The following MAML2 variants were observed in gnomAD, a reference collection of about 807,000 sequenced individuals.
MAML2 encodes the protein mastermind like transcriptional coactivator 2, also known as mastermind-like protein 2.
MAML2 carries 22 observed loss-of-function variants against 96.1 expected under a neutral mutation model. The ratio of observed to expected loss-of-function variants is 0.23; its 90% CI spans 0.16 to 0.33. MAML2 has a LOEUF of 0.33. Among genes scored for constraint, MAML2 ranks in the 10% least tolerant of loss-of-function variants. The pLI is 1.00. For missense variants in MAML2, 1,367 were observed against 1,392.4 expected (o/e 0.98, Z 0.29); for synonymous variants, 561 against 521.3 (o/e 1.08, Z -1.04).
At chr11:96,031,618 C>T (rs370437518) in intron 2 of MAML2, among the ~76,000 whole-genome samples, 5 of 151,942 alleles carry the variant, frequency 3.3e-5, no homozygotes, top group African/African-American at 1.2e-4. Context: ...TTTTTGCATG[C>T]CCCCAGTGCG....
intron 2 of MAML2, among the ~76,000 whole-genome samples, chr11:96,034,456 A>AGAGAGAGAGAGAGT (rs766634690): frequency 4.1e-4 from 59 of 144,830 alleles, no homozygotes; most frequent in African/African-American, 1.2e-3. Context: ...AGAGAGAGAG[A>AGAGAGAGAGAGAGT]GTGTGTGTGT....
intron 1 of MAML2, among the ~76,000 whole-genome samples, chr11:96,308,953 A>C (rs1863501969): frequency 6.6e-6 from 1 of 152,244 alleles, no homozygotes; most frequent in Admixed American, 6.5e-5. Context: ...ACTCTTGTCC[A>C]AATGTAAAAA....
At chr11:96,303,383 T>C (rs1863416462) in intron 1 of MAML2, among the ~76,000 whole-genome samples, 1 of 152,220 alleles carries the variant, frequency 6.6e-6, no homozygotes. Flanking sequence ...TTTCCTTTGG[T>C]AATCTTTCTA....
In MAML2 at chr11:96,318,527, T is replaced by C. The variant is rs1367343067; in HGVS notation, c.513+22856A>G. On this transcript the variant is annotated intron_variant, in intron 1 of 4. Coordinates refer to ENST00000524717, the MANE Select transcript of MAML2 (RefSeq NM_032427.4). ...ACAAAACAAAACAAAAAAACCCTTA[T>C]TGTGGCAGATAAAGAAAACAGATAC... Among the ~76,000 whole-genome samples the C allele has an allele frequency of 5.9e-5, 9 of 152,308 alleles. No homozygotes were observed. The East Asian group carries it at 1.5e-3, about 26-fold the overall frequency.
At position 96,007,002 on chromosome 11, in the gene MAML2, C is replaced by CT. The variant is rs542623757; in HGVS notation, c.2140-15280dup. 5.8e-3 allele frequency among the ~76,000 whole-genome samples: 867 copies of CT among 149,314 alleles called. 1 individual carries two copies. The highest frequency in any genetic ancestry group is 0.017 in the Middle Eastern group (5 of 290). On this transcript the variant is annotated intron_variant, in intron 2 of 4. Coordinates refer to ENST00000524717, the MANE Select transcript of MAML2 (RefSeq NM_032427.4). ...GCCTAAATTATTTCTAGATATCAATCTTTTTTTTTATTATTTTTTTAGACA... is the reference window on the plus strand; with the variant it reads ...GCCTAAATTATTTCTAGATATCAATCTTTTTTTTTTATTATTTTTTTAGACA...
chr11:96,005,120 C>T (rs905493993), intron 2 of MAML2, among the ~76,000 whole-genome samples: 2 of 152,204 alleles, frequency 1.3e-5, no homozygotes, highest in Non-Finnish European at 2.9e-5. Context: ...ACTTCACAGC[C>T]TCCGTAACAG....
At chr11:96,016,393 G>C (rs1459583134) in intron 2 of MAML2, among the ~76,000 whole-genome samples, 1 of 152,152 alleles carries the variant, frequency 6.6e-6, no homozygotes, top group Non-Finnish European at 1.5e-5. Flanking sequence ...GCTCCTAGCA[G>C]CCACAGGAAG....
In MAML2 at chr11:96,222,809, C is replaced by T. The variant is rs941313151; in HGVS notation, c.513+118574G>A. On this transcript the variant is annotated intron_variant, in intron 1 of 4. Transcript: ENST00000524717. ...TAGGGATTCTTTGGTAATTGGATCA[C>T]CATTGAACACTAGAATTACTACCAG... 2.6e-5 allele frequency among the ~76,000 whole-genome samples: 4 copies of T among 152,012 alleles called. No homozygotes were observed. The South Asian group carries it at 8.3e-4, about 32-fold the overall frequency.
chr11:95,990,726 T>C (rs972490988), intron 3 of MAML2, among the ~76,000 whole-genome samples: 19 of 152,204 alleles, frequency 1.2e-4, no homozygotes, highest in African/African-American at 4.6e-4. Flanking sequence ...ACAAAGCTCC[T>C]TGAATATAAA....
chr11:96,012,702 G>C (rs892139222), intron 2 of MAML2, among the ~76,000 whole-genome samples: 2 of 152,132 alleles, frequency 1.3e-5, no homozygotes, highest in African/African-American at 4.8e-5. Context: ...TTTGAAATCT[G>C]TTTGTTTCCT....
chr11:95,977,014 T>G lies in MAML2; in HGVS notation c.*1934A>C, dbSNP rs1399160410. The G allele has an allele frequency of 4.9e-6, 1 of 202,860 alleles. No individual in the cohort carries two copies. The highest frequency in any genetic ancestry group is 2.3e-5 in the African/African-American group (1 of 43,624). 12.6% of individuals were successfully genotyped at this position (202,860 alleles called of 1,614,324 possible). On this transcript the variant is annotated 3_prime_UTR_variant, in exon 5 of 5. Coordinates refer to ENST00000524717, the MANE Select transcript of MAML2 (RefSeq NM_032427.4). ...TGGGAGCAGGACAAAAAACAAGGAT[T>G]GAAACCTGGAATGCTTTCTTATTGA...
intron 1 of MAML2, among the ~76,000 whole-genome samples, chr11:96,244,664 T>C (rs977020515): frequency 3.4e-4 from 51 of 152,238 alleles, no homozygotes; most frequent in African/African-American, 7.2e-5. Flanking sequence ...TCTACAGAAC[T>C]ATGATTACAT....
At chr11:96,072,934 C>G (rs766375480) in intron 2 of MAML2, among the ~76,000 whole-genome samples, 2 of 152,200 alleles carry the variant, frequency 1.3e-5, no homozygotes, top group Non-Finnish European at 2.9e-5. Context: ...CAGTTAAGTA[C>G]TTTTAGACCT....
chr11:96,118,830 A>G (rs906088169), intron 1 of MAML2, among the ~76,000 whole-genome samples: 2 of 152,038 alleles, frequency 1.3e-5, no homozygotes, highest in Non-Finnish European at 2.9e-5. Flanking sequence ...TTGTCATAGT[A>G]TTTCTACATA....
At chr11:96,280,546 C>A (rs546839256) in intron 1 of MAML2, among the ~76,000 whole-genome samples, 1 of 152,174 alleles carries the variant, frequency 6.6e-6, no homozygotes, top group South Asian at 2.1e-4. Flanking sequence ...TCTATGGAAG[C>A]ATGAAAATTT....
intron 1 of MAML2, among the ~76,000 whole-genome samples, chr11:96,282,558 T>C (rs1247714380): frequency 6.6e-6 from 1 of 152,200 alleles, no homozygotes; most frequent in Admixed American, 6.5e-5. Context: ...TTGTTTAAAT[T>C]ATCTCTCCAT....
intron 1 of MAML2, among the ~76,000 whole-genome samples, chr11:96,236,055 A>G (rs1465991629): frequency 6.6e-6 from 1 of 152,228 alleles, no homozygotes; most frequent in Non-Finnish European, 1.5e-5. Context: ...ACCCTGAGGG[A>G]AATGACAGGA....
chr11:96,243,118 GT>G (rs1466173974), intron 1 of MAML2, among the ~76,000 whole-genome samples: 1 of 138,966 alleles, frequency 7.2e-6, no homozygotes, highest in Non-Finnish European at 1.6e-5. Context: ...CCTTGCAAAA[GT>G]TACATTCTCT....
chr11:96,298,589 A>C lies in MAML2; in HGVS notation c.513+42794T>G, dbSNP rs1249047325. On this transcript the variant is annotated intron_variant, in intron 1 of 4. Coordinates refer to ENST00000524717, the MANE Select transcript of MAML2 (RefSeq NM_032427.4). ...TATAAGAGAAGATAACCAAGCAAAC[A>C]AAGAGGTAATGAGTTCTGCTCTGCG... Among the ~76,000 whole-genome samples, 11 of 152,212 alleles carry C rather than the reference A, an allele frequency of 7.2e-5. No individual in the cohort carries two copies. In the East Asian group the frequency reaches 1.9e-3, roughly 27 times the overall value.
Sources: allele counts gnomAD v4.1 joint callset (sites outside exome capture counted in the v4.1 genomes callset), GRCh38; gene constraint gnomAD v4.1.1; transcripts MANE v1.5; gene names NCBI Gene and HGNC (gene_info 2026-07-23, HGNC 2026-07-21).